The following NFASC variants were observed in gnomAD, a reference collection of about 807,000 sequenced individuals.
NFASC encodes the protein neurofascin.
In NFASC, 43 loss-of-function variants were observed where a neutral mutation model predicts 147.5. The ratio of observed to expected loss-of-function variants is 0.29; its 90% CI spans 0.23 to 0.38. NFASC has a LOEUF of 0.38. Ranked by LOEUF, NFASC falls within the 10% of genes least tolerant of loss-of-function variation. The pLI is 1.00. For missense variants in NFASC, 1,320 were observed against 1,689.0 expected (o/e 0.78, Z 3.83); for synonymous variants, 622 against 665.5 (o/e 0.93, Z 1.01).
intron 17 of NFASC, among the ~76,000 whole-genome samples, chr1:204,978,650 T>C (rs1230754545): frequency 6.6e-6 from 1 of 152,254 alleles, no homozygotes; most frequent in Non-Finnish European, 1.5e-5. Context: ...CATTCCTGAA[T>C]GCTTGCACTC....
At chr1:204,880,725 C>G (rs1216714883) in intron 1 of NFASC, among the ~76,000 whole-genome samples, 1 of 152,170 alleles carries the variant, frequency 6.6e-6, no homozygotes, top group Non-Finnish European at 1.5e-5. Context: ...CAAGTTCCTT[C>G]CAGCTGTGGG....
intron 24 of NFASC, 149 bp from the exon 25 acceptor site, chr1:204,997,021 G>A (rs1187660469): frequency 1.7e-5 from 21 of 1,237,298 alleles, no homozygotes; most frequent in Middle Eastern, 2.7e-4. Context: ...GCTGCGACCC[G>A]TCTGACCCAG....
At chr1:204,837,326 T>TA in intron 1 of NFASC, among the ~76,000 whole-genome samples, 1 of 152,126 alleles carries the variant, frequency 6.6e-6, no homozygotes, top group Non-Finnish European at 1.5e-5. Flanking sequence ...GCATTTCTGG[T>TA]GGGGAAAGGA....
At chr1:204,890,850 G>T (rs778853767) in intron 1 of NFASC, among the ~76,000 whole-genome samples, 1 of 152,178 alleles carries the variant, frequency 6.6e-6, no homozygotes, top group Non-Finnish European at 1.5e-5. Context: ...GATTACAGGC[G>T]TGAGCCACCG....
intron 3 of NFASC, among the ~76,000 whole-genome samples, chr1:204,948,098 A>G (rs1292597187): frequency 6.6e-6 from 1 of 152,226 alleles, no homozygotes; most frequent in Non-Finnish European, 1.5e-5. Flanking sequence ...GGTCATAGGT[A>G]TCAGAGCCAG....
intron 24 of NFASC, among the ~76,000 whole-genome samples, chr1:204,992,697 G>A (rs550175104): frequency 3.9e-4 from 59 of 152,294 alleles, no homozygotes; most frequent in Admixed American, 8.5e-4. Flanking sequence ...CGCAGGGAGG[G>A]CACCAGGCGA....
At chr1:204,856,877 A>G (rs1485692231) in intron 1 of NFASC, among the ~76,000 whole-genome samples, 2 of 152,252 alleles carry the variant, frequency 1.3e-5, no homozygotes, top group Non-Finnish European at 2.9e-5. Context: ...ATGGCTGAAT[A>G]ATATTCCATC....
chr1:205,011,904 C>T (rs935590011), intron 28 of NFASC, among the ~76,000 whole-genome samples: 1 of 152,154 alleles, frequency 6.6e-6, no homozygotes, highest in African/African-American at 2.4e-5. Flanking sequence ...CATGGTAAAA[C>T]CTCGTCTCTA....
At chr1:204,971,392 G>A (rs1370055022) in intron 11 of NFASC, among the ~76,000 whole-genome samples, 6 of 152,134 alleles carry the variant, frequency 3.9e-5, no homozygotes, top group Non-Finnish European at 8.8e-5. Context: ...CTCTCTGGTT[G>A]CATTACTTTT....
At chr1:204,833,024 G>C (rs995051720) in intron 1 of NFASC, among the ~76,000 whole-genome samples, 1 of 152,218 alleles carries the variant, frequency 6.6e-6, no homozygotes, top group African/African-American at 2.4e-5. Flanking sequence ...TGCAGAAGAG[G>C]GCCTGGGAGT....
intron 21 of NFASC, among the ~76,000 whole-genome samples, chr1:204,984,692 A>T (rs765761767): frequency 1.3e-5 from 2 of 152,140 alleles, no homozygotes; most frequent in Non-Finnish European, 2.9e-5. Context: ...CCAACTCCAG[A>T]TAACCCAGTA....
Position 204,976,752 on chromosome 1 carries a change from C to T in NFASC, c.1788C>T (p.Thr596=), listed in dbSNP as rs745927245. ...GCAGTTACACGTGTGTCGCCAGCAC[C>T]GAGCTAGACCAAGACCTGGCCAAGG... ...DQGSYTCVAS[T]ELDQDLAKAY... Residue 596 remains threonine, a synonymous_variant, in exon 16 of 30, where the codon ACC becomes ACT. Transcript: ENST00000339876. The T allele has an allele frequency of 6.8e-6, 11 of 1,614,052 alleles. No individual in the cohort carries two copies. The East Asian group carries it at 8.9e-5, about 13-fold the overall frequency.
intron 7 of NFASC, 94 bp downstream of exon 7, chr1:204,955,045 G>A (rs1320162529): frequency 2.7e-6 from 4 of 1,493,192 alleles, no homozygotes; most frequent in African/African-American, 2.8e-5. Context: ...AAGCTAGAAG[G>A]CCTTGATTTG....
Position 204,870,879 on chromosome 1 carries a change from G to A in NFASC, c.-200+42097G>A, listed in dbSNP as rs2077566172. 7 of 1,198,894 alleles carry A rather than the reference G, an allele frequency of 5.8e-6. No homozygotes were observed. In the South Asian group the frequency reaches 9.1e-5, roughly 16 times the overall value. 74.3% of individuals were successfully genotyped at this position (1,198,894 alleles called of 1,614,324 possible). On this transcript the variant is annotated intron_variant, in intron 1 of 29. Transcript: ENST00000339876. ...ATTATTTTGATTCCACCCAGGGCAG[G>A]GCTGCTGTGTTTTCTCTGAGGCCAA...
At chr1:204,833,856 T>G (rs778020459) in intron 1 of NFASC, among the ~76,000 whole-genome samples, 1 of 152,212 alleles carries the variant, frequency 6.6e-6, no homozygotes, top group Non-Finnish European at 1.5e-5. Context: ...GCTAGCTGCA[T>G]AGCTGCAGCT....
At chr1:204,852,881 T>C (rs1349431013) in intron 1 of NFASC, among the ~76,000 whole-genome samples, 1 of 152,204 alleles carries the variant, frequency 6.6e-6, no homozygotes, top group Non-Finnish European at 1.5e-5. Context: ...GTACATGTTT[T>C]GGGGACGGGG....
intron 2 of NFASC, among the ~76,000 whole-genome samples, chr1:204,930,649 G>A (rs1369987668): frequency 1.3e-5 from 2 of 152,138 alleles, no homozygotes; most frequent in Admixed American, 1.3e-4. Context: ...CAGAGCATGG[G>A]GCATGCTAGG....
chr1:204,902,122 C>CT (rs1269702013), intron 1 of NFASC, among the ~76,000 whole-genome samples: 2 of 152,064 alleles, frequency 1.3e-5, no homozygotes, highest in South Asian at 2.1e-4. Flanking sequence ...AGTGAGACCC[C>CT]GTCTCTACAA....
rs1420384541 is a variant in NFASC at position 204,853,529 on chromosome 1, G to A, written c.-200+24747G>A. 3.9e-5 allele frequency among the ~76,000 whole-genome samples: 6 copies of A among 152,250 alleles called. No individual in the cohort carries two copies. The East Asian group carries it at 7.7e-4, about 20-fold the overall frequency. ...GTAGTACTTTGAGGTGTAGTTAAGCGGAAGCCAACTGAAGCATAGGGTTTA... is the reference window on the plus strand; with the variant it reads ...GTAGTACTTTGAGGTGTAGTTAAGCAGAAGCCAACTGAAGCATAGGGTTTA... On this transcript the variant is annotated intron_variant, in intron 1 of 29. Transcript: ENST00000339876.
Sources: gnomAD v4.1 joint callset for allele counts (sites outside exome capture counted in the v4.1 genomes callset) on GRCh38, gnomAD v4.1.1 for gene constraint, MANE v1.5 for transcripts, NCBI Gene and HGNC (gene_info 2026-07-23, HGNC 2026-07-21) for gene names.